The following CDK12 variants were observed in gnomAD, a reference collection of about 807,000 sequenced individuals.
CDK12 encodes the protein cyclin-dependent kinase 12.
CDK12 carries 17 observed loss-of-function variants against 133.8 expected under a neutral mutation model. The ratio of observed to expected loss-of-function variants is 0.13; its 90% confidence interval spans 0.09 to 0.19. The LOEUF (loss-of-function observed/expected upper bound fraction) is 0.19. Ranked by LOEUF, CDK12 falls within the 10% of genes least tolerant of loss-of-function variation. CDK12 has a pLI of 1.00. For missense variants in CDK12, 1,508 were observed against 1,818.7 expected (o/e 0.83, Z 3.11); for synonymous variants, 694 against 683.6 (o/e 1.02, Z -0.24).
chr17:39,539,829 G>T (rs1032312237), intron 1 of CDK12, among the ~76,000 whole-genome samples: 1 of 152,256 alleles, frequency 6.6e-6, no homozygotes. Context: ...TAGAACAGAA[G>T]AGGAAGGTGA....
intron 2 of CDK12, among the ~76,000 whole-genome samples, chr17:39,472,502 C>T (rs929542754): frequency 7.3e-5 from 11 of 151,372 alleles, no homozygotes; most frequent in Non-Finnish European, 1.5e-4. Context: ...GGTGAACCCC[C>T]ATCTCTACTA....
At chr17:39,558,815 C>T (rs1354799375) in intron 3 of CDK12, among the ~76,000 whole-genome samples, 3 of 152,124 alleles carry the variant, frequency 2.0e-5, no homozygotes, top group Non-Finnish European at 2.9e-5. Flanking sequence ...AGCTAATTTT[C>T]GTTTTTTTAG....
chr17:39,481,702 C>T (rs1597984169), intron 2 of CDK12, among the ~76,000 whole-genome samples: 1 of 12,516 alleles, frequency 8.0e-5, no homozygotes, highest in Non-Finnish European at 2.2e-4. Context: ...CTCTCTCTCT[C>T]TCTCTCTCTT....
chr17:39,484,408 G>GTA (rs2050958053), intron 2 of CDK12, among the ~76,000 whole-genome samples: 1 of 152,240 alleles, frequency 6.6e-6, no homozygotes, highest in African/African-American at 2.4e-5. Flanking sequence ...TGACTGTGAT[G>GTA]TATAGTATCT....
chr17:39,485,606 G>T (rs1305531850), intron 2 of CDK12, among the ~76,000 whole-genome samples: 1 of 151,690 alleles, frequency 6.6e-6, no homozygotes. Flanking sequence ...GTAGAGACAG[G>T]GTTTCACAAT....
chr17:39,491,281 A>T (rs1226000508), intron 3 of CDK12, among the ~76,000 whole-genome samples: 1 of 152,150 alleles, frequency 6.6e-6, no homozygotes, highest in Non-Finnish European at 1.5e-5. Flanking sequence ...TTTGTTGCCC[A>T]GGCTGGGGTG....
intron 5 of CDK12, among the ~76,000 whole-genome samples, chr17:39,500,323 G>GCTGT (rs1567741386): frequency 6.6e-6 from 1 of 151,052 alleles, no homozygotes; most frequent in Non-Finnish European, 1.5e-5. Flanking sequence ...AGAATGAGAC[G>GCTGT]CTGTCTCAAA....
At chr17:39,485,904 T>C (rs951748970) in intron 2 of CDK12, among the ~76,000 whole-genome samples, 2 of 152,014 alleles carry the variant, frequency 1.3e-5, no homozygotes, top group African/African-American at 2.4e-5. Flanking sequence ...ACTGAATTTA[T>C]TTGAAATGAT....
intron 2 of CDK12, among the ~76,000 whole-genome samples, chr17:39,554,601 C>T (rs919113546): frequency 6.6e-6 from 1 of 152,134 alleles, no homozygotes; most frequent in Non-Finnish European, 1.5e-5. Flanking sequence ...GCTAGGATAG[C>T]CGGGCACGGC....
At chr17:39,541,932 C>T (rs1289896810) in intron 1 of CDK12, among the ~76,000 whole-genome samples, 1 of 152,170 alleles carries the variant, frequency 6.6e-6, no homozygotes, top group Non-Finnish European at 1.5e-5. Context: ...GTGCCTTGCC[C>T]ACGCAGTCGC....
rs2054816829 is a variant in CDK12 at position 39,531,123 on chromosome 17, G to A, written c.4280G>A (p.Ser1427Asn). ...CCATTCCTGAAGGCTGAGGGAAGCA[G>A]CAATTCTGTGGTACATGCAGAGACC... ...GQPFLKAEGS[S>N]NSVVHAETKL... is the part of the protein sequence containing the mutation. Residue 1427 changes from serine (S) to asparagine (N), a missense_variant, in exon 14 of 14, where the codon AGC becomes AAC. Ser to Asn is a conservative substitution (Grantham distance 46, BLOSUM62 1). This residue lies in a region of CDK12 where 114 missense variants were observed against 101.2 expected (regional missense o/e 1.13). Transcript: ENST00000447079. The A allele has an allele frequency of 6.4e-7, 1 of 1,568,740 alleles. No individual in the cohort carries two copies. Among genetic ancestry groups the A allele is most frequent in the Admixed American group, 1.9e-5 (1 of 53,238 alleles).
chr17:39,476,536 C>A (rs563441591), intron 2 of CDK12, among the ~76,000 whole-genome samples: 1 of 151,722 alleles, frequency 6.6e-6, no homozygotes, highest in East Asian at 1.9e-4. Context: ...GCCTCAGCCT[C>A]CCAAGTAGCT....
At chr17:39,562,878 C>G (rs1245423777) in intron 3 of CDK12, among the ~76,000 whole-genome samples, 1 of 93,562 alleles carries the variant, frequency 1.1e-5, no homozygotes, top group African/African-American at 4.3e-5. Context: ...TCTCTCTCTT[C>G]TCCTTTTTTT....
intron 7 of CDK12, 128 bp from the exon 8 acceptor site, chr17:39,511,401 G>A: frequency 1.6e-6 from 1 of 606,768 alleles, no homozygotes. Context: ...TGGAGTGTTA[G>A]GTTGCTCTGG....
At chr17:39,493,951 G>A (rs921885247) in intron 4 of CDK12, among the ~76,000 whole-genome samples, 51 of 152,142 alleles carry the variant, frequency 3.4e-4, no homozygotes, top group East Asian at 7.8e-4. Context: ...AGCGGAGATC[G>A]CGCCAGTGCC....
chr17:39,528,509 A>AT (rs375110514), intron 13 of CDK12, among the ~76,000 whole-genome samples: 1 of 151,376 alleles, frequency 6.6e-6, no homozygotes, highest in Non-Finnish European at 1.5e-5. Context: ...ATTTTTTTGT[A>AT]TTTTTAGTAG....
chr17:39,482,043 G>C (rs145915418), intron 2 of CDK12, among the ~76,000 whole-genome samples: 1 of 39,732 alleles, frequency 2.5e-5, no homozygotes, highest in Non-Finnish European at 6.8e-5. Flanking sequence ...ACAGAGTTTC[G>C]CTTTTTTTAG....
Position 39,462,121 on chromosome 17 carries a change from C to CCTT in CDK12, c.50_51insCTT (p.Ala17_Ser18insPhe). The CCTT allele has an allele frequency of 6.2e-7, 1 of 1,614,174 alleles. No homozygotes were observed. Among genetic ancestry groups the CCTT allele is most frequent in the Non-Finnish European group, 8.5e-7 (1 of 1,179,998 alleles). On this transcript the variant is annotated inframe_insertion, in exon 1 of 14. Transcript: ENST00000447079. ...GGCAAGAAGGACGGGAGTGGAGGAG[C>CCTT]TTCTGGAACTTTGCAGCCGTCATCG...
chr17:39,515,767 T>G lies in CDK12; in HGVS notation c.2805T>G (p.Ile935Met). Residue 935 changes from isoleucine (I) to methionine (M), a missense_variant, in exon 9 of 14, where the codon ATT becomes ATG. Transcript: ENST00000447079. ...GGGAACTATTCACAAAGAAGCCTATTTTTCAAGCCAATCTGGAACTGGCTC... is the reference window on the plus strand; with the variant it reads ...GGGAACTATTCACAAAGAAGCCTATGTTTCAAGCCAATCTGGAACTGGCTC... ...ILGELFTKKPIFQANLELAQL... is the reference protein window; with the variant it reads ...ILGELFTKKPMFQANLELAQL... 6.2e-7 allele frequency: 1 copy of G among 1,613,768 alleles called. No individual in the cohort carries two copies. The highest frequency in any genetic ancestry group is 1.7e-4 in the Middle Eastern group (1 of 6,054).
Sources: gnomAD v4.1 joint callset for allele counts (sites outside exome capture counted in the v4.1 genomes callset) on GRCh38, gnomAD v4.1.1 for gene constraint, gnomAD v4.1.1 regional missense constraint, MANE v1.5 for transcripts, NCBI Gene and HGNC (gene_info 2026-07-23, HGNC 2026-07-21) for gene names.